The following FBH1 variants were observed in gnomAD, a reference collection of about 807,000 sequenced individuals.
FBH1 encodes the protein DNA 3'-5' helicase 1.
FBH1 carries 43 observed loss-of-function variants against 115.5 expected under a neutral mutation model. The observed-to-expected ratio is 0.37, with a 90% confidence interval of 0.29 to 0.48. FBH1 has a LOEUF of 0.48. Among genes scored for constraint, FBH1 ranks in the 20% least tolerant of loss-of-function variants. The pLI is 0.99. For missense variants in FBH1, 1,001 were observed against 1,337.3 expected, an observed-to-expected ratio of 0.75 and a Z score of 3.92; for synonymous variants, 524 against 507.8, an observed-to-expected ratio of 1.03 and a Z score of -0.43.
chr10:5,918,544 T>G lies in FBH1; in HGVS notation c.2100+66T>G. ...CCAATGTCTTACGTGCCAGGCCCTG[T>G]GAAAGGTGGTATGCCAGGCTCACCA... On this transcript the variant is annotated intron_variant, in intron 13 of 20. Coordinates refer to ENST00000362091, the MANE Select transcript of FBH1 (RefSeq NM_178150.3). This position sits in a 1 kb window ranked among gnomAD's most constrained non-coding sequence, Gnocchi z 4.0. 6 of 1,471,886 alleles carry G rather than the reference T, an allele frequency of 4.1e-6. No homozygotes were observed. Among genetic ancestry groups the G allele is most frequent in the Non-Finnish European group, 4.5e-6 (5 of 1,114,888 alleles). 91.2% of individuals were successfully genotyped at this position (1,471,886 alleles called of 1,614,324 possible).
chr10:5,918,368 C>T lies in FBH1; in HGVS notation c.1990C>T (p.Pro664Ser). The stretch of plus-strand genomic sequence containing the variant: ...TATCATGAACATAGTTCTGTCTCAG[C>T]CATGTGGGAAAATCTTTGTAGGGGA... ...PAIMNIVLSQ[P>S]CGKIFVGDPH... The change falls in exon 13 of 21, where the codon CCA becomes TCA. Residue 664 changes from proline to serine, a missense_variant. Transcript: ENST00000362091. The surrounding 1 kb of genome is among the most constrained non-coding windows in gnomAD (Gnocchi z 4.0). The T allele has an allele frequency of 6.2e-7, 1 of 1,613,474 alleles. No individual in the cohort carries two copies. Among genetic ancestry groups the T allele is most frequent in the African/African-American group, 1.3e-5 (1 of 74,942 alleles).
Position 5,918,485 on chromosome 10 carries a change from G to T in FBH1, c.2100+7G>T. 6.3e-7 allele frequency: 1 copy of T among 1,586,612 alleles called. No homozygotes were observed. Among genetic ancestry groups the T allele is most frequent in the Non-Finnish European group, 8.5e-7 (1 of 1,169,960 alleles). On this transcript the variant is annotated splice_region_variant and intron_variant, in intron 13 of 20. Coordinates refer to ENST00000362091, the MANE Select transcript of FBH1 (RefSeq NM_178150.3). The surrounding 1 kb of genome is among the most constrained non-coding windows in gnomAD (Gnocchi z 4.0). The stretch of plus-strand genomic sequence containing the variant: ...CGTCTTCTATCTCACGCAGGTAAGT[G>T]CGCACTCTGCATGGGAGGCATTGCA...
rs1212012940 is a variant in FBH1 at position 5,909,123 on chromosome 10, A to G, written c.885-36A>G. The stretch of plus-strand genomic sequence containing the variant: ...TCCTTGTACATCAGTGCTTATGGTC[A>G]CCCTACTCATGGCCTCTCCTGTGAA... On this transcript the variant is annotated intron_variant, in intron 4 of 20. Transcript: ENST00000362091. This position sits in a 1 kb window ranked among gnomAD's most constrained non-coding sequence, Gnocchi z 4.4. 1 of 1,612,344 alleles carries G rather than the reference A, an allele frequency of 6.2e-7. No homozygotes were observed.
chr10:5,921,581 T>G lies in FBH1; in HGVS notation c.2322+12T>G, dbSNP rs1327701870. 3.1e-6 allele frequency: 5 copies of G among 1,591,790 alleles called. No homozygotes were observed. The highest frequency in any genetic ancestry group is 4.3e-6 in the Non-Finnish European group (5 of 1,174,852). On this transcript the variant is annotated intron_variant, in intron 15 of 20. Transcript: ENST00000362091. The surrounding 1 kb of genome is among the most constrained non-coding windows in gnomAD (Gnocchi z 6.4). ...TACATTTGATTGGGGTAAGAGTACA[T>G]TTCTGTTGACCACTTCATGCACAGA...
rs1177540844 is a variant in FBH1 at position 5,924,279 on chromosome 10, G to A, written c.2399-32G>A. The A allele has an allele frequency of 5.0e-6, 8 of 1,608,762 alleles. No individual in the cohort carries two copies. The highest frequency in any genetic ancestry group is 6.8e-6 in the Non-Finnish European group (8 of 1,175,494). Reference sequence around the variant, plus strand: ...GCCACCATCTGTTAGTGGAGCTTGTGTCACCTTAATTTGTGTGTATATTCT... The same window carrying A: ...GCCACCATCTGTTAGTGGAGCTTGTATCACCTTAATTTGTGTGTATATTCT... On this transcript the variant is annotated intron_variant, in intron 16 of 20. Transcript: ENST00000362091. This position sits in a 1 kb window ranked among gnomAD's most constrained non-coding sequence, Gnocchi z 6.2.
At position 5,900,065 on chromosome 10, in the gene FBH1, C is replaced by G. The variant is rs970018453; in HGVS notation, c.2-2955C>G. 1.3e-4 allele frequency among the ~76,000 whole-genome samples: 20 copies of G among 152,130 alleles called. 1 individual carries two copies. Among genetic ancestry groups the G allele is most frequent in the African/African-American group, 4.1e-4 (17 of 41,410 alleles). Reference sequence around the variant, plus strand: ...GCTTTTCTGTTCATAATAAGCGAGACATGTTACTGGTTAGTTTAGAAGGTA... The same window carrying G: ...GCTTTTCTGTTCATAATAAGCGAGAGATGTTACTGGTTAGTTTAGAAGGTA... On this transcript the variant is annotated intron_variant, in intron 1 of 20. Coordinates refer to ENST00000362091, the MANE Select transcript of FBH1 (RefSeq NM_178150.3). This position sits in a 1 kb window ranked among gnomAD's most constrained non-coding sequence, Gnocchi z 4.2.
rs1831765680 is a variant in FBH1 at position 5,913,900 on chromosome 10, G to A, written c.1304+61G>A. The stretch of plus-strand genomic sequence containing the variant: ...TCTGTCGACTCTTCCTCATACTTAA[G>A]GAGGGAGATGTTTTGCTTCACTTTA... On this transcript the variant is annotated intron_variant, in intron 7 of 20. Transcript: ENST00000362091. The surrounding 1 kb of genome is among the most constrained non-coding windows in gnomAD (Gnocchi z 4.4). The A allele has an allele frequency of 1.6e-6, 2 of 1,283,408 alleles. No individual in the cohort carries two copies. Among genetic ancestry groups the A allele is most frequent in the Non-Finnish European group, 2.2e-6 (2 of 902,788 alleles). The allele number at this position is 1,283,408 out of a possible 1,614,324, so 79.5% of individuals were successfully genotyped here.
Position 5,914,683 on chromosome 10 carries a change from T to A in FBH1, c.1396+414T>A, listed in dbSNP as rs970652446. On this transcript the variant is annotated intron_variant, in intron 8 of 20. Coordinates refer to ENST00000362091, the MANE Select transcript of FBH1 (RefSeq NM_178150.3). This position sits in a 1 kb window ranked among gnomAD's most constrained non-coding sequence, Gnocchi z 5.2. ...TTGGCTTTTAACTTACATTCATAAA[T>A]ATATTATCTACAAGTGTCCTGCCTC... 1.3e-5 allele frequency among the ~76,000 whole-genome samples: 2 copies of A among 152,192 alleles called. No homozygotes were observed. The highest frequency in any genetic ancestry group is 4.1e-4 in the South Asian group (2 of 4,828).
chr10:5,923,162 C>T lies in FBH1; in HGVS notation c.2323-459C>T, dbSNP rs1465416424. ...CCTCCCAAAGTGCTGGGATTACAGG[C>T]ATGAGCCACTGCGCCTGGCCTGTAG... On this transcript the variant is annotated intron_variant, in intron 15 of 20. Transcript: ENST00000362091. This position sits in a 1 kb window ranked among gnomAD's most constrained non-coding sequence, Gnocchi z 5.7. Among the ~76,000 whole-genome samples, 2 of 152,234 alleles carry T rather than the reference C, an allele frequency of 1.3e-5. No homozygotes were observed. The highest frequency in any genetic ancestry group is 2.9e-5 in the Non-Finnish European group (2 of 68,040).
At position 5,918,279 on chromosome 10, in the gene FBH1, T is replaced by A. The variant is rs560155632; in HGVS notation, c.1964-63T>A. On this transcript the variant is annotated intron_variant, in intron 12 of 20. Transcript: ENST00000362091. This position sits in a 1 kb window ranked among gnomAD's most constrained non-coding sequence, Gnocchi z 4.0. ...AGCTTCGTGGAAGTGTTTTTGTCCT[T>A]TTCTTTTTGCTGCCTGGGGTGGAGG... The A allele has an allele frequency of 1.7e-5, 27 of 1,586,154 alleles. No individual in the cohort carries two copies. In the South Asian group the frequency reaches 3.0e-4, roughly 18 times the overall value.
At position 5,913,432 on chromosome 10, in the gene FBH1, G is replaced by A. The variant is rs898830746; in HGVS notation, c.1212-315G>A. Among the ~76,000 whole-genome samples the A allele has an allele frequency of 6.6e-6, 1 of 152,120 alleles. No homozygotes were observed. The highest frequency in any genetic ancestry group is 2.4e-5 in the African/African-American group (1 of 41,414). ...GCAGTGTTTCCCTTTGCCTTCCACT[G>A]GTCCTTACAGTTTTTCAGGTTGTTT... On this transcript the variant is annotated intron_variant, in intron 6 of 20. Coordinates refer to ENST00000362091, the MANE Select transcript of FBH1 (RefSeq NM_178150.3). This position sits in a 1 kb window ranked among gnomAD's most constrained non-coding sequence, Gnocchi z 4.4.
Position 5,937,286 on chromosome 10 carries a change from A to G in FBH1, c.*6A>G, listed in dbSNP as rs759466107. 1 of 1,592,508 alleles carries G rather than the reference A, an allele frequency of 6.3e-7. No homozygotes were observed. The highest frequency in any genetic ancestry group is 1.1e-5 in the South Asian group (1 of 87,956). On this transcript the variant is annotated 3_prime_UTR_variant, in exon 21 of 21. Coordinates refer to ENST00000362091, the MANE Select transcript of FBH1 (RefSeq NM_178150.3). ...TGCTCTTCCTCGTCTTCTGAGGACA[A>G]GGCGCACGTTCTCCGCAGTGCAGAG...
intron 1 of FBH1, among the ~76,000 whole-genome samples, chr10:5,899,510 C>G (rs1404164028): frequency 6.6e-6 from 1 of 152,022 alleles, no homozygotes; most frequent in Non-Finnish European, 1.5e-5. Flanking sequence ...CACATAGTGT[C>G]TCCAGTTCTA....
Position 5,916,424 on chromosome 10 carries a change from CAG to C in FBH1, c.1761_1762del (p.Arg587SerfsTer4). The stretch of plus-strand genomic sequence containing the variant: ...TATTTGGTGTAAGAACAGCCAAGGA[CAG>C]AGAGTCATGGTTGAGCAGAGTGAAA... Reference protein sequence around the residue: ...VPIWCKNSQGQRVMVEQSEKL... With the variant: ...VPIWCKNSQGXRVMVEQSEKL... On this transcript the variant is annotated frameshift_variant, in exon 10 of 21. Coordinates refer to ENST00000362091, the MANE Select transcript of FBH1 (RefSeq NM_178150.3). LOFTEE classifies it high-confidence loss of function. 1 of 1,610,750 alleles carries C rather than the reference CAG, an allele frequency of 6.2e-7. No homozygotes were observed.
intron 1 of FBH1, among the ~76,000 whole-genome samples, chr10:5,901,232 G>C (rs1323882058): frequency 6.6e-6 from 1 of 152,132 alleles, no homozygotes; most frequent in Non-Finnish European, 1.5e-5. Flanking sequence ...GAGTGCAATG[G>C]TGCGACCTCG....
At chr10:5,899,427 G>C (rs1271521348) in intron 1 of FBH1, among the ~76,000 whole-genome samples, 1 of 152,066 alleles carries the variant, frequency 6.6e-6, no homozygotes, top group Non-Finnish European at 1.5e-5. Flanking sequence ...ATTCACTCTT[G>C]GTAACTTTCT....
chr10:5,922,799 A>T (rs959948450), intron 15 of FBH1, among the ~76,000 whole-genome samples: 1 of 152,194 alleles, frequency 6.6e-6, no homozygotes, highest in African/African-American at 2.4e-5. Context: ...CTTTTGGAAG[A>T]TCTGAGCTAA....
rs750960605 is a variant in FBH1, at chr10:5,927,500, A to G, written c.2788A>G (p.Ile930Val). 9.3e-6 allele frequency: 15 copies of G among 1,613,594 alleles called. No homozygotes were observed. The highest frequency in any genetic ancestry group is 1.3e-5 in the Non-Finnish European group (15 of 1,179,926). ...VAVTRAKKRL[I>V]MTKSLENILT... Reference sequence around the variant, plus strand: ...AGTAACTCGAGCCAAGAAGCGTCTCATCATGACCAAATCATTGGAAAACAT... The same window carrying G: ...AGTAACTCGAGCCAAGAAGCGTCTCGTCATGACCAAATCATTGGAAAACAT... Residue 930 changes from isoleucine to valine, a missense_variant, in exon 19 of 21, where the codon ATC becomes GTC. By Grantham distance (29) the Ile-to-Val change is conservative. Around this residue, in one of 4 missense-constraint regions of FBH1, gnomAD observed 521 missense variants for 811.0 expected, o/e 0.64. Transcript: ENST00000362091.
Position 5,915,453 on chromosome 10 carries a change from A to G in FBH1, c.1447A>G (p.Ser483Gly). ...LVKYAEKWSQ[S>G]RFLYVTFNKS... ...CAAGTATGCAGAGAAGTGGTCTCAG[A>G]GCAGGTTTCTGTATGTGACATTCAA... Residue 483 changes from serine (S) to glycine (G), a missense_variant, in exon 9 of 21, where the codon AGC (serine) becomes GGC (glycine). This residue lies in a region of FBH1 where 521 missense variants were observed against 811.0 expected (regional missense o/e 0.64). Coordinates refer to ENST00000362091, the MANE Select transcript of FBH1 (RefSeq NM_178150.3). The surrounding 1 kb of genome is among the most constrained non-coding windows in gnomAD (Gnocchi z 5.2). The G allele has an allele frequency of 6.2e-7, 1 of 1,614,204 alleles. No individual in the cohort carries two copies. The highest frequency in any genetic ancestry group is 2.2e-5 in the East Asian group (1 of 44,876).
Sources: gnomAD v4.1 joint callset for allele counts (sites outside exome capture counted in the v4.1 genomes callset) on GRCh38, gnomAD v4.1.1 for gene constraint, gnomAD v4.1.1 regional missense constraint, Gnocchi (gnomAD v3.1) non-coding constraint, MANE v1.5 for transcripts, NCBI Gene and HGNC (gene_info 2026-07-23, HGNC 2026-07-21) for gene names.